Variants in LMBR1 observed in about 807,000 individuals in gnomAD.
LMBR1 encodes limb development membrane protein 1.
A neutral mutation model predicts 73.9 loss-of-function variants in LMBR1; 52 were observed. The ratio of observed to expected loss-of-function variants is 0.70; its 90% CI spans 0.56 to 0.89. The LOEUF is 0.89. LMBR1 is among the 40% of genes least tolerant of loss of function. The pLI, the probability that LMBR1 is intolerant of heterozygous loss-of-function variation, is 0.00. For synonymous variants in LMBR1, 215 were observed against 209.4 expected (o/e 1.03, Z -0.23); for missense variants, 539 against 579.8 (o/e 0.93, Z 0.72).
intron 9 of LMBR1, among the ~76,000 whole-genome samples, chr7:156,748,661 G>C (rs952870468): frequency 4.6e-5 from 7 of 152,016 alleles, no homozygotes; most frequent in African/African-American, 1.4e-4. Context: ...GCTAATTTTT[G>C]TATTTTTAGT....
intron 8 of LMBR1, among the ~76,000 whole-genome samples, chr7:156,759,957 G>A (rs1822663933): frequency 6.6e-6 from 1 of 152,188 alleles, no homozygotes; most frequent in South Asian, 2.1e-4. Context: ...GTGGCAGGGT[G>A]ACTAGTCTAG....
rs1375710347 is a variant in LMBR1, at chr7:156,683,551, A to G, written c.*527T>C. ...TTTTGCTTTTAAGGAAATAAGAAAC[A>G]TAATTGCAACCATTACAGCTCCAAC... On this transcript the variant is annotated 3_prime_UTR_variant, in exon 17 of 17. Transcript: ENST00000353442. 1 of 152,480 alleles carries G rather than the reference A, an allele frequency of 6.6e-6. No individual in the cohort carries two copies. The highest frequency in any genetic ancestry group is 2.4e-5 in the African/African-American group (1 of 41,474). The allele number at this position is 152,480 out of a possible 1,614,324, so 9.4% of individuals were successfully genotyped here.
At chr7:156,796,006 T>G (rs1263690386) in intron 5 of LMBR1, among the ~76,000 whole-genome samples, 1 of 152,218 alleles carries the variant, frequency 6.6e-6, no homozygotes, top group Non-Finnish European at 1.5e-5. Context: ...CTGTCAGTTT[T>G]CAGCTGCAGA....
At chr7:156,790,631 A>T (rs1325264684) in intron 5 of LMBR1, among the ~76,000 whole-genome samples, 7 of 151,944 alleles carry the variant, frequency 4.6e-5, no homozygotes, top group East Asian at 3.8e-4. Flanking sequence ...TGATGTTTTT[A>T]AAAAAAGCTG....
chr7:156,820,026 C>T (rs1834508132), intron 4 of LMBR1, among the ~76,000 whole-genome samples: 1 of 152,152 alleles, frequency 6.6e-6, no homozygotes, highest in South Asian at 2.1e-4. Flanking sequence ...TTACTGCCAC[C>T]GTCGAGGACT....
Position 156,893,095 on chromosome 7 carries a change from C to A in LMBR1, c.-102G>T. On this transcript the variant is annotated 5_prime_UTR_variant, in exon 1 of 17. Coordinates refer to ENST00000353442, the MANE Select transcript of LMBR1 (RefSeq NM_022458.4). ...GGACAGCCGCGCCGGGGACCGGAGC[C>A]GGCACGGGCCCGCGAGCCGTGTTGG... is the stretch of plus-strand genomic sequence containing the variant. The A allele has an allele frequency of 8.4e-7, 1 of 1,184,278 alleles. No homozygotes were observed. The highest frequency in any genetic ancestry group is 1.1e-6 in the Non-Finnish European group (1 of 923,444). 73.4% of individuals were successfully genotyped at this position (1,184,278 alleles called of 1,614,324 possible).
chr7:156,738,154 G>C (rs1818238726), intron 9 of LMBR1, among the ~76,000 whole-genome samples: 1 of 152,166 alleles, frequency 6.6e-6, no homozygotes, highest in African/African-American at 2.4e-5. Flanking sequence ...AGTGTGGAGA[G>C]AGAATCTGTG....
At chr7:156,798,450 A>G (rs1016246642) in intron 4 of LMBR1, among the ~76,000 whole-genome samples, 1 of 152,264 alleles carries the variant, frequency 6.6e-6, no homozygotes, top group African/African-American at 2.4e-5. Context: ...GTGTCCAGGA[A>G]CAATCTCTTC....
chr7:156,887,305 G>C (rs991895952), intron 1 of LMBR1, among the ~76,000 whole-genome samples: 20 of 151,778 alleles, frequency 1.3e-4, no homozygotes, highest in Non-Finnish European at 1.0e-4. Flanking sequence ...TCTACTAAAA[G>C]TACAGAAATT....
intron 5 of LMBR1, 30 bp downstream of exon 5, chr7:156,796,359 C>T (rs765602160): frequency 9.7e-6 from 14 of 1,438,820 alleles, no homozygotes; most frequent in Non-Finnish European, 1.3e-5. Context: ...CTCACTTAAC[C>T]AATTTAATTC....
At chr7:156,843,706 C>T (rs1839112714) in intron 1 of LMBR1, among the ~76,000 whole-genome samples, 1 of 151,396 alleles carries the variant, frequency 6.6e-6, no homozygotes, top group South Asian at 2.1e-4. Flanking sequence ...TGTGGTGGCA[C>T]ACGCCTGTAA....
intron 10 of LMBR1, 46 bp downstream of exon 10, chr7:156,734,124 TTTAATAA>T: frequency 8.5e-7 from 1 of 1,173,684 alleles, no homozygotes; most frequent in South Asian, 1.4e-5. Flanking sequence ...CAGTAAAGTC[TTTAATAA>T]GAAACCAAGG....
intron 9 of LMBR1, among the ~76,000 whole-genome samples, chr7:156,734,896 T>C (rs1043294784): frequency 6.6e-6 from 1 of 152,230 alleles, no homozygotes; most frequent in Non-Finnish European, 1.5e-5. Context: ...ATCATATGCA[T>C]GGTTTTTATT....
At chr7:156,694,833 G>A (rs987946562) in intron 15 of LMBR1, among the ~76,000 whole-genome samples, 1 of 152,122 alleles carries the variant, frequency 6.6e-6, no homozygotes, top group African/African-American at 2.4e-5. Context: ...GCATCAAAAA[G>A]AATGTCATAA....
intron 15 of LMBR1, among the ~76,000 whole-genome samples, chr7:156,702,551 C>T (rs1810006204): frequency 6.6e-6 from 1 of 151,954 alleles, no homozygotes; most frequent in Non-Finnish European, 1.5e-5. Flanking sequence ...AAATTTTCTC[C>T]CATTGTGTAG....
At chr7:156,721,682 A>G (rs1464873607) in intron 15 of LMBR1, among the ~76,000 whole-genome samples, 3 of 150,238 alleles carry the variant, frequency 2.0e-5, no homozygotes, top group Admixed American at 6.7e-5. Context: ...AAAAATTTTA[A>G]CTACAGATTC....
intron 1 of LMBR1, among the ~76,000 whole-genome samples, chr7:156,877,718 C>T (rs1227417400): frequency 6.6e-6 from 1 of 152,028 alleles, no homozygotes; most frequent in African/African-American, 2.4e-5. Context: ...CCCGTCTCTA[C>T]TAAAAATACA....
At chr7:156,855,616 A>C (rs1027640008) in intron 1 of LMBR1, among the ~76,000 whole-genome samples, 1 of 151,510 alleles carries the variant, frequency 6.6e-6, no homozygotes, top group Non-Finnish European at 1.5e-5. Flanking sequence ...AAATTAATAC[A>C]AACACCTAAC....
At chr7:156,758,931 T>A (rs542571458) in intron 8 of LMBR1, among the ~76,000 whole-genome samples, 2 of 152,358 alleles carry the variant, frequency 1.3e-5, no homozygotes, top group South Asian at 4.1e-4. Context: ...CTCATCTCCA[T>A]TTTATATTCC....
Sources: gnomAD v4.1 joint callset for allele counts (sites outside exome capture counted in the v4.1 genomes callset) on GRCh38, gnomAD v4.1.1 for gene constraint, MANE v1.5 for transcripts, NCBI Gene and HGNC (gene_info 2026-07-23, HGNC 2026-07-21) for gene names.